The following TTC27 variants were observed in gnomAD, a reference collection of about 807,000 sequenced individuals.
The protein encoded by TTC27 is tetratricopeptide repeat domain 27.
Under a neutral mutation model 115.9 loss-of-function variants are expected in TTC27, and 79 were observed. The ratio of observed to expected loss-of-function variants is 0.68; its 90% confidence interval spans 0.57 to 0.82. The LOEUF (loss-of-function observed/expected upper bound fraction) is 0.82, where lower values mean the gene tolerates loss of function less well. TTC27 is among the 40% of genes least tolerant of loss of function. The pLI is 0.00. For missense variants in TTC27, 1,054 were observed against 993.1 expected, an observed-to-expected ratio of 1.06 and a Z score of -0.82; for synonymous variants, 401 against 356.0, an observed-to-expected ratio of 1.13 and a Z score of -1.42.
At chr2:32,688,007 G>T (rs569298557) in intron 9 of TTC27, among the ~76,000 whole-genome samples, 1 of 152,224 alleles carries the variant, frequency 6.6e-6, no homozygotes, top group Admixed American at 6.5e-5. Context: ...AATGCTTATG[G>T]TAAGTGCAGC....
intron 3 of TTC27, among the ~76,000 whole-genome samples, chr2:32,636,405 G>A (rs1463342234): frequency 1.3e-5 from 2 of 152,074 alleles, no homozygotes; most frequent in African/African-American, 2.4e-5. Context: ...GTAGAGACGG[G>A]GTTTCACCAT....
At position 32,630,565 on chromosome 2, in the gene TTC27, A is replaced by T. The variant is rs775672504; in HGVS notation, c.131A>T (p.Glu44Val). The T allele has an allele frequency of 1.9e-6, 3 of 1,612,670 alleles. No homozygotes were observed. Among genetic ancestry groups the T allele is most frequent in the Non-Finnish European group, 2.5e-6 (3 of 1,179,370 alleles). Residue 44 changes from glutamate (E) to valine (V), a missense_variant, in exon 2 of 20, where the codon GAA (glutamate) becomes GTA (valine). Glu to Val is a moderately radical substitution (Grantham distance 121). Coordinates refer to ENST00000317907, the MANE Select transcript of TTC27 (RefSeq NM_017735.5). The part of the protein sequence containing the change: ...FLQLLLEGNY[E>V]AIFLNSMTQN... ...CAATTGCTACTGGAAGGGAACTATG[A>T]AGCCATATTCTTAAATTCAATGACT...
chr2:32,806,782 G>C (rs1337026222), intron 16 of TTC27, among the ~76,000 whole-genome samples: 2 of 142,246 alleles, frequency 1.4e-5, no homozygotes, highest in African/African-American at 5.2e-5. Flanking sequence ...TTGTCTCAAA[G>C]AAAAAAAAAA....
At chr2:32,722,101 C>T (rs540346033) in intron 10 of TTC27, among the ~76,000 whole-genome samples, 13 of 152,222 alleles carry the variant, frequency 8.5e-5, no homozygotes, top group East Asian at 1.9e-4. Context: ...AGAAAACTGC[C>T]GTTCCTTCAT....
chr2:32,654,002 G>A (rs955974172), intron 5 of TTC27, among the ~76,000 whole-genome samples: 3 of 152,054 alleles, frequency 2.0e-5, no homozygotes, highest in African/African-American at 7.2e-5. Flanking sequence ...AATCTTACCA[G>A]TTCTTCCCCA....
At chr2:32,713,199 G>A (rs1280796093) in intron 10 of TTC27, among the ~76,000 whole-genome samples, 1 of 152,016 alleles carries the variant, frequency 6.6e-6, no homozygotes, top group South Asian at 2.1e-4. Context: ...TAAAATCTCT[G>A]CTCGTTATAG....
rs149592878 is a variant in TTC27 at position 32,643,157 on chromosome 2, G to A, written c.537+2747G>A. Reference sequence around the variant, plus strand: ...GCTAATTGAAGGTTTTTTAATACACGGATTTCAACATGTCTTAGCATATAT... The same window carrying A: ...GCTAATTGAAGGTTTTTTAATACACAGATTTCAACATGTCTTAGCATATAT... On this transcript the variant is annotated intron_variant, in intron 4 of 19. Coordinates refer to ENST00000317907, the MANE Select transcript of TTC27 (RefSeq NM_017735.5). Among the ~76,000 whole-genome samples, 264 of 151,804 alleles carry A rather than the reference G, an allele frequency of 1.7e-3. 2 individuals carry two copies. In the Middle Eastern group the frequency reaches 0.021, roughly 12 times the overall value.
At chr2:32,695,864 G>A (rs1293994211) in intron 9 of TTC27, among the ~76,000 whole-genome samples, 4 of 150,852 alleles carry the variant, frequency 2.7e-5, no homozygotes, top group African/African-American at 7.3e-5. Context: ...AGATGGCGCC[G>A]TCGCACTCTA....
At chr2:32,633,764 A>T in intron 2 of TTC27, 112 bp from the exon 3 acceptor site, 2 of 1,286,814 alleles carry the variant, frequency 1.6e-6, no homozygotes, top group Non-Finnish European at 1.1e-6. Context: ...GGATAGTCTC[A>T]ATAAATGTTG....
intron 5 of TTC27, among the ~76,000 whole-genome samples, chr2:32,651,614 G>A (rs905766239): frequency 6.6e-6 from 1 of 152,128 alleles, no homozygotes; most frequent in African/African-American, 2.4e-5. Context: ...CAGAGTGTTG[G>A]GATTACAGGC....
chr2:32,771,037 G>A (rs1419915252), intron 13 of TTC27, among the ~76,000 whole-genome samples: 1 of 152,184 alleles, frequency 6.6e-6, no homozygotes, highest in African/African-American at 2.4e-5. Flanking sequence ...TGTGAGTACT[G>A]TGATAACATC....
chr2:32,733,949 A>G (rs754731942), intron 11 of TTC27, 26 bp downstream of exon 11: 1 of 1,515,500 alleles, frequency 6.6e-7, no homozygotes, highest in Non-Finnish European at 9.1e-7. Context: ...GTCATTGGGT[A>G]TGGAAATTAC....
rs566589845 is a variant in TTC27, at chr2:32,781,856, C to T, written c.1780-770C>T. 5.3e-5 allele frequency among the ~76,000 whole-genome samples: 8 copies of T among 152,348 alleles called. No individual in the cohort carries two copies. In the East Asian group the frequency reaches 1.5e-3, roughly 29 times the overall value. ...AGTTTAGAATTTGAATAACTTCTAG[C>T]ACAGTGTGACCTCCAAAATCTCCAT... On this transcript the variant is annotated intron_variant, in intron 14 of 19. Coordinates refer to ENST00000317907, the MANE Select transcript of TTC27 (RefSeq NM_017735.5).
chr2:32,639,608 A>G (rs939946111), intron 3 of TTC27, among the ~76,000 whole-genome samples: 5 of 152,228 alleles, frequency 3.3e-5, no homozygotes, highest in African/African-American at 1.2e-4. Context: ...ATACTTTAAT[A>G]TAGGGATGCT....
In TTC27 at chr2:32,817,461, C is replaced by G. The variant is rs377573952; in HGVS notation, c.2313C>G (p.Ala771=). The change falls in exon 19 of 20, where the codon GCC becomes GCG. Residue 771 remains alanine, a synonymous_variant. Coordinates refer to ENST00000317907, the MANE Select transcript of TTC27 (RefSeq NM_017735.5). ...VQRALGLAHV[A]IKCSKNKSSS... The stretch of plus-strand genomic sequence containing the variant: ...CTCTCCATACTTATCTTCCAGTGGC[C>G]ATAAAATGCAGTAAAAACAAATCCA... The G allele has an allele frequency of 5.0e-6, 8 of 1,613,428 alleles. No individual in the cohort carries two copies. Among genetic ancestry groups the G allele is most frequent in the South Asian group, 3.3e-5 (3 of 91,036 alleles).
chr2:32,740,525 A>G (rs1572565855), intron 12 of TTC27, among the ~76,000 whole-genome samples: 1 of 151,790 alleles, frequency 6.6e-6, no homozygotes, highest in Non-Finnish European at 1.5e-5. Flanking sequence ...TCCTCAAACT[A>G]TAGCCAGAAT....
At chr2:32,784,378 A>G (rs1290397897) in intron 15 of TTC27, among the ~76,000 whole-genome samples, 1 of 152,180 alleles carries the variant, frequency 6.6e-6, no homozygotes, top group East Asian at 1.9e-4. Context: ...CTAAGGTTCT[A>G]GACAAAGCTA....
chr2:32,653,916 A>G (rs1444843556), intron 5 of TTC27, among the ~76,000 whole-genome samples: 1 of 152,340 alleles, frequency 6.6e-6, no homozygotes, highest in East Asian at 1.9e-4. Flanking sequence ...TGAGTTATCT[A>G]TCTTCAAAGC....
chr2:32,715,611 C>T (rs1667727182), intron 10 of TTC27, among the ~76,000 whole-genome samples: 1 of 152,006 alleles, frequency 6.6e-6, no homozygotes, highest in South Asian at 2.1e-4. Context: ...GGAGGAAGAC[C>T]CAAAATACCA....
Sources: gnomAD v4.1 joint callset for allele counts (sites outside exome capture counted in the v4.1 genomes callset) on GRCh38, gnomAD v4.1.1 for gene constraint, MANE v1.5 for transcripts, NCBI Gene and HGNC (gene_info 2026-07-23, HGNC 2026-07-21) for gene names.